The following RBFOX1 variants were observed in gnomAD, a reference collection of about 807,000 sequenced individuals.
RBFOX1 encodes RNA binding fox-1 homolog 1, also known as RNA binding protein fox-1 homolog 1.
In RBFOX1, 8 loss-of-function variants were observed where a neutral mutation model predicts 57.7. That is an observed-to-expected ratio of 0.14 (90% CI 0.08 to 0.25). The LOEUF is 0.25. Ranked by LOEUF, RBFOX1 falls within the 10% of genes least tolerant of loss-of-function variation. The pLI is 1.00. For synonymous variants in RBFOX1, 326 were observed against 222.4 expected (o/e 1.47, Z -4.15); for missense variants, 611 against 548.5 (o/e 1.11, Z -1.14).
intron 1 of RBFOX1, among the ~76,000 whole-genome samples, chr16:5,440,732 G>T (rs112985334): frequency 0.024 from 3,628 of 152,234 alleles, 62 homozygotes; most frequent in Middle Eastern, 0.1. Context: ...AGATTTAGCT[G>T]GGCAGCAGTG....
intron 1 of RBFOX1, among the ~76,000 whole-genome samples, chr16:6,272,279 G>A (rs549232060): frequency 6.6e-6 from 1 of 152,096 alleles, no homozygotes; most frequent in East Asian, 1.9e-4. Context: ...AGAAAAACAG[G>A]AATAAAGAGA....
At chr16:7,259,541 T>C (rs1368839738) in intron 4 of RBFOX1, among the ~76,000 whole-genome samples, 1 of 151,348 alleles carries the variant, frequency 6.6e-6, no homozygotes, top group Non-Finnish European at 1.5e-5. Flanking sequence ...AAACAGGAGA[T>C]AGTCAGTATA....
intron 14 of RBFOX1, among the ~76,000 whole-genome samples, chr16:7,699,061 T>TCCCCTG (rs1011217126): frequency 6.6e-6 from 1 of 152,148 alleles, no homozygotes; most frequent in African/African-American, 2.4e-5. Flanking sequence ...TTTGTCGCCT[T>TCCCCTG]CCCCTGCCCC....
chr16:5,291,100 A>G (rs1261231013), intron 1 of RBFOX1, among the ~76,000 whole-genome samples: 3 of 152,172 alleles, frequency 2.0e-5, no homozygotes, highest in Non-Finnish European at 4.4e-5. Context: ...TAGGTCATGT[A>G]GGGTCTCACA....
chr16:7,174,666 G>A (rs1436077665), intron 4 of RBFOX1, among the ~76,000 whole-genome samples: 1 of 152,190 alleles, frequency 6.6e-6, no homozygotes, highest in Non-Finnish European at 1.5e-5. Context: ...TGTAATCCCA[G>A]CTACTCGGGA....
intron 4 of RBFOX1, among the ~76,000 whole-genome samples, chr16:7,220,870 C>G (rs1466059536): frequency 2.0e-5 from 3 of 152,024 alleles, no homozygotes; most frequent in Non-Finnish European, 4.4e-5. Context: ...CTACTTTCTG[C>G]TTGTTAAGAC....
chr16:7,187,475 A>T (rs575557452), intron 4 of RBFOX1, among the ~76,000 whole-genome samples: 2 of 151,522 alleles, frequency 1.3e-5, no homozygotes, highest in South Asian at 4.2e-4. Context: ...TAATCACGAG[A>T]TCAGGAGATC....
chr16:7,091,271 T>G (rs2060807532), intron 4 of RBFOX1, among the ~76,000 whole-genome samples: 1 of 151,834 alleles, frequency 6.6e-6, no homozygotes, highest in Non-Finnish European at 1.5e-5. Flanking sequence ...AACTTTACTT[T>G]TTTTTTTTGT....
At chr16:5,677,417 G>A (rs2050200932) in intron 3 of RBFOX1, among the ~76,000 whole-genome samples, 1 of 152,164 alleles carries the variant, frequency 6.6e-6, no homozygotes, top group African/African-American at 2.4e-5. Context: ...CACTTTCTAT[G>A]GGTCCCTGTT....
intron 1 of RBFOX1, among the ~76,000 whole-genome samples, chr16:6,264,677 C>A (rs544249952): frequency 1.3e-5 from 2 of 152,196 alleles, no homozygotes; most frequent in South Asian, 4.1e-4. Context: ...TAATCCGGAT[C>A]ACTGGATAGA....
chr16:5,820,082 T>C (rs896233827), intron 3 of RBFOX1, among the ~76,000 whole-genome samples: 1 of 152,234 alleles, frequency 6.6e-6, no homozygotes. Context: ...ATTGCGCTTC[T>C]GCACTATAAA....
chr16:5,817,343 C>G (rs747362534), intron 3 of RBFOX1, among the ~76,000 whole-genome samples: 1 of 152,188 alleles, frequency 6.6e-6, no homozygotes, highest in East Asian at 1.9e-4. Flanking sequence ...TGCTGACAAG[C>G]AGGTACTGAT....
chr16:6,175,031 T>C (rs974178706), intron 1 of RBFOX1, among the ~76,000 whole-genome samples: 1 of 152,180 alleles, frequency 6.6e-6, no homozygotes, highest in African/African-American at 2.4e-5. Flanking sequence ...CATAGTGTGG[T>C]AATAGAAACC....
chr16:6,060,360 T>C (rs2095669743), intron 1 of RBFOX1, among the ~76,000 whole-genome samples: 1 of 152,008 alleles, frequency 6.6e-6, no homozygotes. Context: ...TTTAAATGAG[T>C]TAATAGATAT....
intron 1 of RBFOX1, among the ~76,000 whole-genome samples, chr16:5,291,995 C>CTTTTT (rs1204395537): frequency 6.9e-6 from 1 of 145,858 alleles, no homozygotes; most frequent in Non-Finnish European, 1.5e-5. Context: ...TTTGCAGTTA[C>CTTTTT]TTTTTTTTTT....
rs143480450 is a variant in RBFOX1 at position 5,991,236 on chromosome 16, G to C, written c.351+123901G>C. 4.7e-4 allele frequency among the ~76,000 whole-genome samples: 72 copies of C among 152,206 alleles called. No individual in the cohort carries two copies. In the East Asian group the frequency reaches 0.012, roughly 25 times the overall value. On this transcript the variant is annotated intron_variant, in intron 4 of 19. Coordinates refer to the RBFOX1 transcript ENST00000641259. The stretch of plus-strand genomic sequence containing the variant: ...ATTTTCATATTCCCCATTTGCAGAG[G>C]AGCAGCAAAGTTCTAGCACAAGACC...
exon 3 of RBFOX1, chr16:5,599,076 C>A (rs752323631): frequency 1.1e-5 from 11 of 975,320 alleles, no homozygotes; most frequent in Middle Eastern, 2.0e-4. Context: ...TGAAACTGAT[C>A]TTGCTGGAGA....
intron 3 of RBFOX1, among the ~76,000 whole-genome samples, chr16:6,691,753 A>G (rs1229910772): frequency 1.3e-5 from 2 of 152,218 alleles, no homozygotes; most frequent in African/African-American, 2.4e-5. Flanking sequence ...TTTTGCAGAT[A>G]TGATTAAGTT....
chr16:5,750,023 G>A (rs971956728), intron 3 of RBFOX1, among the ~76,000 whole-genome samples: 3 of 152,094 alleles, frequency 2.0e-5, no homozygotes, highest in Non-Finnish European at 4.4e-5. Context: ...TTTTATGATG[G>A]TGATGTACAG....
Sources: allele counts gnomAD v4.1 joint callset (sites outside exome capture counted in the v4.1 genomes callset), GRCh38; gene constraint gnomAD v4.1.1; transcripts MANE v1.5; gene names NCBI Gene and HGNC (gene_info 2026-07-23, HGNC 2026-07-21).